Variants in ADAM29 observed in about 807,000 individuals in gnomAD.
ADAM29 encodes the protein ADAM metallopeptidase domain 29.
For synonymous variants in ADAM29, 367 were observed against 342.3 expected (o/e 1.07, Z -0.80); for missense variants, 969 against 1,001.8 (o/e 0.97, Z 0.44).
intron 4 of ADAM29, among the ~76,000 whole-genome samples, chr4:174,963,493 CA>C (rs964051064): frequency 6.7e-6 from 1 of 150,158 alleles, no homozygotes; most frequent in African/African-American, 2.4e-5. Context: ...AAGGCCTTAG[CA>C]AAAAAAAGAA....
intron 4 of ADAM29, among the ~76,000 whole-genome samples, chr4:174,963,953 G>C (rs1161623803): frequency 6.6e-6 from 1 of 152,136 alleles, no homozygotes; most frequent in Non-Finnish European, 1.5e-5. Flanking sequence ...ACAGGCATGA[G>C]CCACTGTGCC....
intron 2 of ADAM29, chr4:174,924,046 C>T (rs1420265144): frequency 1.3e-5 from 2 of 152,134 alleles, no homozygotes; most frequent in African/African-American, 2.4e-5. Context: ...ATAGAAGACA[C>T]TGTTAAGAGA....
In ADAM29 at chr4:174,975,864, G is replaced by A. The variant is rs115489111; in HGVS notation, c.339G>A (p.Leu113=). Residue 113 remains leucine, a synonymous_variant, in exon 5 of 5, where the codon CTG becomes CTA. Transcript: ENST00000359240. ...ATGTGGAAGGGGACCCAGAATCCCT[G>A]GTTTCCCTCAGTACCTGTTTTGGGG... ...HGYVEGDPES[L]VSLSTCFGGF... 18 of 1,613,766 alleles carry A rather than the reference G, an allele frequency of 1.1e-5. No homozygotes were observed. The African/African-American group carries it at 2.1e-4, about 19-fold the overall frequency.
chr4:174,948,213 C>T (rs188723632), intron 4 of ADAM29, among the ~76,000 whole-genome samples: 131 of 152,338 alleles, frequency 8.6e-4, no homozygotes, highest in African/African-American at 2.8e-3. Context: ...CTACTGCAAT[C>T]ATCTGAAGGT....
rs148317606 is a variant in ADAM29 at position 174,962,331 on chromosome 4, G to A, written c.-180-13015G>A. ...TCAAGACCATCCTGGCTAACACGGT[G>A]AAACCCCGTCTCTACTAAAAATACA... On this transcript the variant is annotated intron_variant, in intron 4 of 4. Transcript: ENST00000359240. Among the ~76,000 whole-genome samples the A allele has an allele frequency of 1.1e-4, 16 of 152,138 alleles. No homozygotes were observed. In the East Asian group the frequency reaches 2.7e-3, roughly 26 times the overall value.
intron 4 of ADAM29, among the ~76,000 whole-genome samples, chr4:174,967,095 T>C (rs1477528168): frequency 1.3e-5 from 2 of 152,216 alleles, no homozygotes; most frequent in African/African-American, 4.8e-5. Flanking sequence ...CAGCTTCACC[T>C]CTTTCTAAGA....
At chr4:174,955,461 A>T (rs1228203437) in intron 4 of ADAM29, among the ~76,000 whole-genome samples, 2 of 152,116 alleles carry the variant, frequency 1.3e-5, no homozygotes, top group Non-Finnish European at 2.9e-5. Context: ...AGAGATCAAT[A>T]TTGTAGCTTT....
rs766422747 is a variant in ADAM29 at position 174,976,570 on chromosome 4, T to G, written c.1045T>G (p.Cys349Gly). ...GMNHDEDTCR[C>G]SQPRCIMHEG... Reference sequence around the variant, plus strand: ...GAACCATGATGAGGATACATGTCGTTGTTCACAACCTAGATGCATAATGCA... The same window carrying G: ...GAACCATGATGAGGATACATGTCGTGGTTCACAACCTAGATGCATAATGCA... Residue 349 changes from cysteine (C) to glycine (G), a missense_variant, in exon 5 of 5, where the codon TGT (cysteine) becomes GGT (glycine). Coordinates refer to ENST00000359240, the MANE Select transcript of ADAM29 (RefSeq NM_014269.4). 3 of 1,601,280 alleles carry G rather than the reference T, an allele frequency of 1.9e-6. No individual in the cohort carries two copies. The highest frequency in any genetic ancestry group is 2.6e-6 in the Non-Finnish European group (3 of 1,173,842).
Position 174,977,642 on chromosome 4 carries a change from A to C in ADAM29, c.2117A>C (p.Lys706Thr), listed in dbSNP as rs748102993. The change falls in exon 5 of 5, where the codon AAG (lysine) becomes ACG (threonine). Residue 706 changes from lysine (K) to threonine (T), a missense_variant. Lys to Thr is a moderately conservative substitution (Grantham distance 78). Transcript: ENST00000359240. ...TGTAAAAAAAGTAAACCAATAAAAA[A>C]GCAGCAAGATGTTCAAACTCCATCT... is the stretch of plus-strand genomic sequence containing the variant. ...RLCKKSKPIK[K>T]QQDVQTPSAK... The C allele has an allele frequency of 8.1e-6, 13 of 1,614,146 alleles. No individual in the cohort carries two copies. Among genetic ancestry groups the C allele is most frequent in the Non-Finnish European group, 1.1e-5 (13 of 1,180,030 alleles).
chr4:174,920,638 C>A (rs554453500), intron 1 of ADAM29, 49 bp from the exon 2 acceptor site: 1 of 152,112 alleles, frequency 6.6e-6, no homozygotes, highest in South Asian at 2.1e-4. Flanking sequence ...TGACCCCTTT[C>A]CAGAAATGAA....
intron 2 of ADAM29, among the ~76,000 whole-genome samples, chr4:174,926,217 T>C (rs538855692): frequency 6.6e-6 from 1 of 152,284 alleles, no homozygotes; most frequent in South Asian, 2.1e-4. Context: ...AGGTAGACAT[T>C]ACTATTATCA....
intron 2 of ADAM29, among the ~76,000 whole-genome samples, chr4:174,927,032 T>G (rs1743562607): frequency 6.6e-6 from 1 of 152,094 alleles, no homozygotes; most frequent in Non-Finnish European, 1.5e-5. Flanking sequence ...GTATCATTAG[T>G]CATTAGTGAA....
chr4:174,973,400 G>A (rs1243245344), intron 4 of ADAM29, among the ~76,000 whole-genome samples: 1 of 152,082 alleles, frequency 6.6e-6, no homozygotes, highest in African/African-American at 2.4e-5. Context: ...TACCAACTTT[G>A]GTAACTCTGA....
At chr4:174,971,276 C>T (rs552211499) in intron 4 of ADAM29, among the ~76,000 whole-genome samples, 12 of 152,252 alleles carry the variant, frequency 7.9e-5, no homozygotes, top group Middle Eastern at 3.4e-3. Flanking sequence ...ATATCTGTAT[C>T]TGTCCCTATA....
chr4:174,966,934 G>T (rs1292083065), intron 4 of ADAM29, among the ~76,000 whole-genome samples: 4 of 152,134 alleles, frequency 2.6e-5, no homozygotes, highest in Non-Finnish European at 5.9e-5. Flanking sequence ...GTTCAAACTG[G>T]TAGTGTGCCT....
At chr4:174,965,515 C>CTATT (rs760398127) in intron 4 of ADAM29, among the ~76,000 whole-genome samples, 1 of 150,330 alleles carries the variant, frequency 6.7e-6, no homozygotes, top group Non-Finnish European at 1.5e-5. Context: ...ATCTATCTAT[C>CTATT]TATCTATCAT....
At chr4:174,941,503 G>A (rs1744533594) in intron 4 of ADAM29, among the ~76,000 whole-genome samples, 1 of 152,148 alleles carries the variant, frequency 6.6e-6, no homozygotes, top group South Asian at 2.1e-4. Context: ...TACAATGATG[G>A]TGGAAGGGGA....
intron 4 of ADAM29, among the ~76,000 whole-genome samples, chr4:174,944,018 T>C (rs911393998): frequency 1.1e-4 from 16 of 151,958 alleles, no homozygotes; most frequent in African/African-American, 3.9e-4. Context: ...GAAACACTGT[T>C]ATATAGTAAT....
At chr4:174,969,528 G>A (rs1746351127) in intron 4 of ADAM29, among the ~76,000 whole-genome samples, 1 of 151,014 alleles carries the variant, frequency 6.6e-6, no homozygotes, top group African/African-American at 2.4e-5. Flanking sequence ...ACAATTCCAG[G>A]GAAAACCAAT....
Sources: gnomAD v4.1 joint callset for allele counts (sites outside exome capture counted in the v4.1 genomes callset) on GRCh38, gnomAD v4.1.1 for gene constraint, MANE v1.5 for transcripts, NCBI Gene and HGNC (gene_info 2026-07-23, HGNC 2026-07-21) for gene names.